SFXN1: variants seen among roughly 807,000 people sequenced by gnomAD.
The protein encoded by SFXN1 is sideroflexin-1.
SFXN1 carries 32 observed loss-of-function variants against 39.5 expected under a neutral mutation model. The observed-to-expected ratio is 0.81, with a 90% confidence interval of 0.61 to 1.09. SFXN1 has a LOEUF of 1.09. Ranked by LOEUF, SFXN1 falls within the 50% of genes least tolerant of loss-of-function variation. SFXN1 has a pLI of 0.00. For synonymous variants in SFXN1, 136 were observed against 146.5 expected (o/e 0.93, Z 0.52); for missense variants, 402 against 407.1 (o/e 0.99, Z 0.11).
intron 3 of SFXN1, among the ~76,000 whole-genome samples, chr5:175,509,796 C>A (rs763674422): frequency 2.0e-5 from 3 of 152,116 alleles, no homozygotes; most frequent in African/African-American, 4.8e-5. Flanking sequence ...CAAATTGTAT[C>A]TTTTTTCCCC....
chr5:175,488,882 G>A (rs555373128), intron 1 of SFXN1, among the ~76,000 whole-genome samples: 8 of 152,082 alleles, frequency 5.3e-5, no homozygotes, highest in Non-Finnish European at 1.0e-4. Flanking sequence ...TTGTTTGTTT[G>A]TTGTTTGTTT....
intron 8 of SFXN1, among the ~76,000 whole-genome samples, chr5:175,521,002 G>C (rs1440734924): frequency 1.3e-5 from 2 of 151,990 alleles, no homozygotes; most frequent in African/African-American, 4.8e-5. Context: ...CCCCAGAGGA[G>C]TCTCTTTGGG....
chr5:175,497,657 A>G lies in SFXN1; in HGVS notation c.164+5390A>G, dbSNP rs192766036. On this transcript the variant is annotated intron_variant, in intron 2 of 10. Coordinates refer to ENST00000321442, the MANE Select transcript of SFXN1 (RefSeq NM_022754.7). Reference sequence around the variant, plus strand: ...AAAACACAATCACAGGGCCGGGCGCAGTGACTCACACCTGTAATCCCAGCA... The same window carrying G: ...AAAACACAATCACAGGGCCGGGCGCGGTGACTCACACCTGTAATCCCAGCA... Among the ~76,000 whole-genome samples, 806 of 152,240 alleles carry G rather than the reference A, an allele frequency of 5.3e-3. 5 individuals are homozygous for G. Among genetic ancestry groups the G allele is most frequent in the African/African-American group, 0.018 (753 of 41,552 alleles).
At chr5:175,482,374 G>A (rs1759286767) in intron 1 of SFXN1, among the ~76,000 whole-genome samples, 1 of 152,150 alleles carries the variant, frequency 6.6e-6, no homozygotes, top group African/African-American at 2.4e-5. Context: ...CACATTCCCT[G>A]CTAACTTGTT....
chr5:175,501,416 A>C (rs150366178), intron 2 of SFXN1, among the ~76,000 whole-genome samples: 2 of 152,176 alleles, frequency 1.3e-5, no homozygotes, highest in South Asian at 4.1e-4. Flanking sequence ...ACAATTATCA[A>C]TTGAAACGGA....
At chr5:175,522,349 TGAC>T (rs1169828409) in intron 9 of SFXN1, 23 bp from the exon 10 acceptor site, 1 of 1,574,340 alleles carries the variant, frequency 6.4e-7, no homozygotes, top group East Asian at 2.2e-5. Flanking sequence ...TAAAATGGTC[TGAC>T]TTTTTTTTGT....
chr5:175,528,981 CT>C lies in SFXN1; in HGVS notation c.*2248del, dbSNP rs1230273139. 6.6e-6 allele frequency: 1 copy of C among 152,216 alleles called. No homozygotes were observed. The highest frequency in any genetic ancestry group is 1.5e-5 in the Non-Finnish European group (1 of 68,062). The allele number at this position is 152,216 out of a possible 1,614,324, so 9.4% of individuals were successfully genotyped here. A position where few individuals can be genotyped will look rare whatever the true frequency, so the allele number is the denominator to read the frequency against. On this transcript the variant is annotated 3_prime_UTR_variant, in exon 11 of 11. Transcript: ENST00000321442. The stretch of plus-strand genomic sequence containing the variant: ...TTAACCTCCAGTGAAGAGCTAATGA[CT>C]GGTTAGAAGATTGACAAACTAACCA...
At chr5:175,522,293 A>G in intron 9 of SFXN1, 82 bp from the exon 10 acceptor site, 1 of 1,352,744 alleles carries the variant, frequency 7.4e-7, no homozygotes, top group Non-Finnish European at 1.0e-6. Flanking sequence ...GAAAGAAGGG[A>G]TTGTTATAAA....
intron 2 of SFXN1, among the ~76,000 whole-genome samples, chr5:175,508,593 AT>A (rs1281991674): frequency 1.3e-5 from 2 of 151,938 alleles, no homozygotes; most frequent in African/African-American, 4.8e-5. Flanking sequence ...TACTGACTAT[AT>A]GTAACAAATT....
In SFXN1 at chr5:175,516,596, A is replaced by T; in HGVS notation, c.725-18A>T. 6.2e-7 allele frequency: 1 copy of T among 1,603,852 alleles called. No individual in the cohort carries two copies. Among genetic ancestry groups the T allele is most frequent in the Non-Finnish European group, 8.5e-7 (1 of 1,175,254 alleles). ...TGGCATTAAATAAAGATTTAAGTGG[A>T]TCTATCTTTATTTCCAGCCATCCCT... is the stretch of plus-strand genomic sequence containing the variant. On this transcript the variant is annotated intron_variant, in intron 7 of 10. Transcript: ENST00000321442.
chr5:175,509,074 G>A lies in SFXN1; in HGVS notation c.207G>A (p.Trp69Ter). 6.2e-7 allele frequency: 1 copy of A among 1,612,306 alleles called. No individual in the cohort carries two copies. The highest frequency in any genetic ancestry group is 8.5e-7 in the Non-Finnish European group (1 of 1,179,406). Residue 69 changes from tryptophan (W) to a stop codon, truncating the protein, a stop_gained, in exon 3 of 11, where the codon TGG (tryptophan) becomes TGA (stop). Transcript: ENST00000321442. LOFTEE classifies it high-confidence loss of function. ...CTGGTCTTACAGAAAATGAATTGTG[G>A]AGAGCAAAGTACATCTATGATTCAG... ...VPPGLTENEL[W>*]RAKYIYDSAF...
At chr5:175,511,045 G>A (rs113091834) in intron 4 of SFXN1, among the ~76,000 whole-genome samples, 2 of 152,294 alleles carry the variant, frequency 1.3e-5, no homozygotes, top group African/African-American at 4.8e-5. Flanking sequence ...TGCTTTCAGT[G>A]TGTATATTAA....
At chr5:175,487,914 T>C (rs1179156619) in intron 1 of SFXN1, among the ~76,000 whole-genome samples, 1 of 152,118 alleles carries the variant, frequency 6.6e-6, no homozygotes, top group Non-Finnish European at 1.5e-5. Context: ...TGTCAAGAAA[T>C]CCTGCTGGCA....
chr5:175,506,008 G>A (rs1406385926), intron 2 of SFXN1, among the ~76,000 whole-genome samples: 8 of 152,054 alleles, frequency 5.3e-5, no homozygotes, highest in African/African-American at 1.9e-4. Flanking sequence ...AGTAGAGATG[G>A]GATTTCACCA....
intron 6 of SFXN1, among the ~76,000 whole-genome samples, chr5:175,512,664 AC>A (rs2113340010): frequency 6.6e-6 from 1 of 152,338 alleles, no homozygotes; most frequent in Non-Finnish European, 1.5e-5. Flanking sequence ...AGAAGAAAGA[AC>A]AACAAAAGCA....
At chr5:175,516,468 T>C (rs1561673555) in intron 7 of SFXN1, 146 bp from the exon 8 acceptor site, 1 of 647,538 alleles carries the variant, frequency 1.5e-6, no homozygotes, top group Admixed American at 3.2e-5. Flanking sequence ...AATGTAATAA[T>C]TTAAAGAATT....
At chr5:175,517,621 A>G (rs1288370064) in intron 8 of SFXN1, among the ~76,000 whole-genome samples, 1 of 152,218 alleles carries the variant, frequency 6.6e-6, no homozygotes, top group Non-Finnish European at 1.5e-5. Flanking sequence ...AGTTGCTGGT[A>G]TATGTCGGTG....
intron 2 of SFXN1, among the ~76,000 whole-genome samples, chr5:175,508,054 A>G (rs1760376799): frequency 6.6e-6 from 1 of 151,974 alleles, no homozygotes; most frequent in Non-Finnish European, 1.5e-5. Context: ...CTTGATTACC[A>G]TAACTTTTGT....
At chr5:175,482,983 A>G (rs1759312078) in intron 1 of SFXN1, among the ~76,000 whole-genome samples, 1 of 152,148 alleles carries the variant, frequency 6.6e-6, no homozygotes, top group Admixed American at 6.5e-5. Flanking sequence ...AGTACATAAG[A>G]GGCCTTCAGT....
Sources: gnomAD v4.1 joint callset for allele counts (sites outside exome capture counted in the v4.1 genomes callset) on GRCh38, gnomAD v4.1.1 for gene constraint, MANE v1.5 for transcripts, NCBI Gene and HGNC (gene_info 2026-07-23, HGNC 2026-07-21) for gene names.